Variants in ARHGAP12 observed in about 807,000 individuals in gnomAD.
ARHGAP12 encodes the protein Rho GTPase activating protein 12, also known as rho GTPase-activating protein 12.
ARHGAP12 carries 64 observed loss-of-function variants against 108.6 expected under a neutral mutation model. The ratio of observed to expected loss-of-function variants is 0.59; its 90% CI spans 0.48 to 0.73. The LOEUF is 0.73. Ranked by LOEUF, ARHGAP12 falls within the 30% of genes least tolerant of loss-of-function variation. The pLI is 0.00. For missense variants in ARHGAP12, 940 were observed against 1,005.9 expected, an observed-to-expected ratio of 0.93 and a Z score of 0.89; for synonymous variants, 312 against 337.2, an observed-to-expected ratio of 0.93 and a Z score of 0.82.
intron 10 of ARHGAP12, among the ~76,000 whole-genome samples, chr10:31,830,295 C>T (rs1564375803): frequency 1.3e-5 from 2 of 151,762 alleles, no homozygotes; most frequent in African/African-American, 4.8e-5. Flanking sequence ...AGATTTTGCT[C>T]AACTCAATGT....
intron 12 of ARHGAP12, 147 bp downstream of exon 12, chr10:31,820,240 T>C: frequency 3.8e-6 from 2 of 526,534 alleles, no homozygotes; most frequent in Non-Finnish European, 6.3e-6. Context: ...ACACCAGTTT[T>C]TTCTTAAATT....
intron 7 of ARHGAP12, among the ~76,000 whole-genome samples, chr10:31,841,671 G>T (rs1414515005): frequency 6.6e-6 from 1 of 152,168 alleles, no homozygotes. Flanking sequence ...AAGCCATGAT[G>T]TACAGTGGGT....
At position 31,882,136 on chromosome 10, in the gene ARHGAP12, G is replaced by C. The variant is rs575742998; in HGVS notation, c.685-20478C>G. Among the ~76,000 whole-genome samples the C allele has an allele frequency of 2.6e-5, 4 of 152,024 alleles. No individual in the cohort carries two copies. The South Asian group carries it at 8.3e-4, about 32-fold the overall frequency. On this transcript the variant is annotated intron_variant, in intron 3 of 19. Coordinates refer to ENST00000344936, the MANE Select transcript of ARHGAP12 (RefSeq NM_018287.7). ...TCACCGTTTTAGCCGGGATGGTCTCGATCTCCTGACCTCGTGATCCGCCCG... is the reference window on the plus strand; with the variant it reads ...TCACCGTTTTAGCCGGGATGGTCTCCATCTCCTGACCTCGTGATCCGCCCG...
intron 7 of ARHGAP12, among the ~76,000 whole-genome samples, chr10:31,841,996 C>A (rs982082965): frequency 9.9e-5 from 15 of 151,980 alleles, no homozygotes; most frequent in African/African-American, 3.6e-4. Flanking sequence ...GCAAAAAAAT[C>A]ATATTCTTGC....
intron 6 of ARHGAP12, among the ~76,000 whole-genome samples, chr10:31,846,573 T>C (rs1414131704): frequency 3.3e-5 from 5 of 152,236 alleles, no homozygotes; most frequent in Non-Finnish European, 1.5e-5. Context: ...GATAAGGCAC[T>C]CACTTCATTC....
chr10:31,860,807 G>A (rs1335916505), intron 4 of ARHGAP12, among the ~76,000 whole-genome samples: 9 of 152,174 alleles, frequency 5.9e-5, no homozygotes, highest in Non-Finnish European at 1.5e-5. Context: ...ACAGCCAGGT[G>A]CAGTAGCTCA....
intron 9 of ARHGAP12, among the ~76,000 whole-genome samples, chr10:31,838,901 C>A (rs1836136177): frequency 6.6e-6 from 1 of 150,736 alleles, no homozygotes; most frequent in African/African-American, 2.4e-5. Flanking sequence ...ACTAGGGAGG[C>A]TGAGACGGGA....
rs934019091 is a variant in ARHGAP12 at position 31,806,219 on chromosome 10, G to C, written c.*1439C>G. ...GCCACAGGAAATATTGGATTCAGTTGATTTTTAAAAATGAGGTATAACAGT... is the reference window on the plus strand; with the variant it reads ...GCCACAGGAAATATTGGATTCAGTTCATTTTTAAAAATGAGGTATAACAGT... On this transcript the variant is annotated 3_prime_UTR_variant, in exon 20 of 20. Coordinates refer to ENST00000344936, the MANE Select transcript of ARHGAP12 (RefSeq NM_018287.7). 52 of 152,088 alleles carry C rather than the reference G, an allele frequency of 3.4e-4. No homozygotes were observed. Among genetic ancestry groups the C allele is most frequent in the African/African-American group, 1.2e-3 (48 of 41,418 alleles). 9.4% of individuals were successfully genotyped at this position (152,088 alleles called of 1,614,324 possible). A position where few individuals can be genotyped will look rare whatever the true frequency, so the allele number is the denominator to read the frequency against.
chr10:31,812,894 G>A, intron 14 of ARHGAP12, 71 bp from the exon 15 acceptor site: 1 of 823,410 alleles, frequency 1.2e-6, no homozygotes, highest in South Asian at 1.8e-5. Context: ...TTTCCAGCTA[G>A]CATGCAAAAC....
chr10:31,857,139 G>T (rs190706541), intron 4 of ARHGAP12, among the ~76,000 whole-genome samples: 44 of 152,304 alleles, frequency 2.9e-4, no homozygotes, highest in Non-Finnish European at 1.5e-5. Flanking sequence ...GCACACGTGT[G>T]TATGTGTTTG....
chr10:31,891,708 TCA>T (rs1357967092), intron 3 of ARHGAP12, among the ~76,000 whole-genome samples: 1 of 152,222 alleles, frequency 6.6e-6, no homozygotes, highest in East Asian at 1.9e-4. Flanking sequence ...CCCGTCACTT[TCA>T]CGTACACCAA....
chr10:31,808,752 C>A lies in ARHGAP12; in HGVS notation c.2264-1G>T. ...GCGACTCGCTGTCTTGGTTCTTGCTCTGAAAAAAGATAATAACCAGATATT... is the reference window on the plus strand; with the variant it reads ...GCGACTCGCTGTCTTGGTTCTTGCTATGAAAAAAGATAATAACCAGATATT... On this transcript the variant is annotated splice_acceptor_variant, in intron 18 of 19. Coordinates refer to ENST00000344936, the MANE Select transcript of ARHGAP12 (RefSeq NM_018287.7). LOFTEE classifies it high-confidence loss of function. The A allele has an allele frequency of 1.2e-6, 2 of 1,611,842 alleles. No individual in the cohort carries two copies. Among genetic ancestry groups the A allele is most frequent in the South Asian group, 2.2e-5 (2 of 90,610 alleles).
At chr10:31,875,750 C>T (rs1448021793) in intron 3 of ARHGAP12, among the ~76,000 whole-genome samples, 2 of 152,196 alleles carry the variant, frequency 1.3e-5, no homozygotes, top group African/African-American at 4.8e-5. Context: ...TAAGTACTTT[C>T]CCACTACGGT....
chr10:31,808,039 A>G (rs1834879821), intron 19 of ARHGAP12, among the ~76,000 whole-genome samples: 1 of 152,206 alleles, frequency 6.6e-6, no homozygotes, highest in Non-Finnish European at 1.5e-5. Context: ...GAAAGATACA[A>G]TTAAGCATAC....
chr10:31,876,560 A>AC (rs397741190), intron 3 of ARHGAP12, among the ~76,000 whole-genome samples: 1 of 151,096 alleles, frequency 6.6e-6, no homozygotes, highest in African/African-American at 2.4e-5. Flanking sequence ...AAAAAAAAAA[A>AC]CCCACTAATA....
At chr10:31,850,540 G>A (rs556966546) in intron 6 of ARHGAP12, among the ~76,000 whole-genome samples, 3 of 151,964 alleles carry the variant, frequency 2.0e-5, no homozygotes, top group Non-Finnish European at 4.4e-5. Flanking sequence ...TACCAATTTT[G>A]AAGAGCAGTA....
At chr10:31,896,252 T>C (rs886602596) in intron 3 of ARHGAP12, among the ~76,000 whole-genome samples, 1 of 139,524 alleles carries the variant, frequency 7.2e-6, no homozygotes, top group African/African-American at 2.7e-5. Context: ...AATATATATA[T>C]AAATAAAATA....
chr10:31,838,546 C>T (rs894920292), intron 9 of ARHGAP12, among the ~76,000 whole-genome samples: 11 of 151,648 alleles, frequency 7.3e-5, no homozygotes, highest in African/African-American at 1.9e-4. Context: ...ATTAGCCAAG[C>T]GGGCCAGGCA....
At chr10:31,816,849 G>A (rs908096983) in intron 13 of ARHGAP12, among the ~76,000 whole-genome samples, 2 of 152,082 alleles carry the variant, frequency 1.3e-5, no homozygotes, top group Non-Finnish European at 2.9e-5. Context: ...GAAAAGAAAG[G>A]ACAAGATTCA....
Sources: allele counts gnomAD v4.1 joint callset (sites outside exome capture counted in the v4.1 genomes callset), GRCh38; gene constraint gnomAD v4.1.1; transcripts MANE v1.5; gene names NCBI Gene and HGNC (gene_info 2026-07-23, HGNC 2026-07-21).